Variants in HMGB1 observed in about 807,000 individuals in gnomAD.
HMGB1 encodes the protein high mobility group protein B1.
For synonymous variants in HMGB1, 81 were observed against 84.0 expected, an observed-to-expected ratio of 0.96 and a Z score of 0.19; for missense variants, 79 against 253.5, an observed-to-expected ratio of 0.31 and a Z score of 4.67.
intron 1 of HMGB1, among the ~76,000 whole-genome samples, chr13:30,592,152 A>G (rs1871397475): frequency 7.3e-6 from 1 of 136,952 alleles, no homozygotes; most frequent in Admixed American, 7.0e-5. Flanking sequence ...GTCAATATAG[A>G]ATAATATCTA....
chr13:30,462,481 C>T (rs1428653838), intron 4 of HMGB1, 57 bp downstream of exon 4: 2 of 1,377,036 alleles, frequency 1.5e-6, no homozygotes, highest in Non-Finnish European at 1.0e-6. Context: ...AAACTAAGTA[C>T]AATCATACAT....
At chr13:30,557,087 C>A (rs1869724066) in intron 1 of HMGB1, among the ~76,000 whole-genome samples, 2 of 152,056 alleles carry the variant, frequency 1.3e-5, no homozygotes, top group African/African-American at 4.8e-5. Context: ...TGCTAAAGTT[C>A]ATTTACTTAT....
At chr13:30,523,291 A>G (rs1888280766) in intron 1 of HMGB1, among the ~76,000 whole-genome samples, 1 of 152,230 alleles carries the variant, frequency 6.6e-6, no homozygotes, top group African/African-American at 2.4e-5. Flanking sequence ...ATAAAAATCA[A>G]TATTTTATGA....
chr13:30,542,415 T>C (rs1868936454), intron 1 of HMGB1: 1 of 157,292 alleles, frequency 6.4e-6, no homozygotes, highest in Non-Finnish European at 1.4e-5. Flanking sequence ...CACTCCTGTC[T>C]CCTCTCCTGT....
chr13:30,609,639 T>C (rs1950495338), intron 1 of HMGB1, among the ~76,000 whole-genome samples: 1 of 152,174 alleles, frequency 6.6e-6, no homozygotes, highest in South Asian at 2.1e-4. Flanking sequence ...TGGTTTTTGG[T>C]TACATGGATA....
At chr13:30,567,343 ATT>A (rs34781585) in intron 1 of HMGB1, among the ~76,000 whole-genome samples, 12 of 138,786 alleles carry the variant, frequency 8.6e-5, no homozygotes, top group Admixed American at 2.2e-4. Flanking sequence ...TGTTAACCAA[ATT>A]TTTTTTTTTT....
rs890607578 is a variant in HMGB1 at position 30,562,233 on chromosome 13, G to A, written c.-15+54438C>T. ...AATCGCTTGAACCCAGGAGGCAGAG[G>A]TTGCAGTGAGCCAAGGTCGCACCAC... On this transcript the variant is annotated intron_variant, in intron 1 of 4. Coordinates refer to the HMGB1 transcript ENST00000405805. Among the ~76,000 whole-genome samples the A allele has an allele frequency of 1.9e-4, 29 of 151,444 alleles. 1 individual carries two copies. The highest frequency in any genetic ancestry group is 9.2e-4 in the Admixed American group (14 of 15,188).
At chr13:30,534,734 C>T (rs1351006455) in intron 1 of HMGB1, among the ~76,000 whole-genome samples, 1 of 151,698 alleles carries the variant, frequency 6.6e-6, no homozygotes, top group Non-Finnish European at 1.5e-5. Flanking sequence ...TGTGCCACCA[C>T]ATCAGTTAAC....
intron 1 of HMGB1, among the ~76,000 whole-genome samples, chr13:30,578,029 C>T (rs1340245079): frequency 6.6e-6 from 1 of 152,064 alleles, no homozygotes; most frequent in African/African-American, 2.4e-5. Flanking sequence ...CGTGTCACTC[C>T]TCATCCACAT....
chr13:30,532,371 A>C (rs1271647233), intron 1 of HMGB1, among the ~76,000 whole-genome samples: 6 of 151,714 alleles, frequency 4.0e-5, no homozygotes, highest in Non-Finnish European at 7.4e-5. Context: ...GGATTTTGCA[A>C]CTTGTTTTTT....
intron 1 of HMGB1, among the ~76,000 whole-genome samples, chr13:30,591,264 T>C (rs1871357026): frequency 6.6e-6 from 1 of 152,012 alleles, no homozygotes. Flanking sequence ...ACTCTTGACC[T>C]TAAATGATCC....
intron 1 of HMGB1, among the ~76,000 whole-genome samples, chr13:30,606,062 A>G (rs771687820): frequency 1.3e-5 from 2 of 152,208 alleles, no homozygotes; most frequent in Non-Finnish European, 2.9e-5. Flanking sequence ...ATCAAGTCAA[A>G]GTCCATGCAC....
chr13:30,517,275 C>T (rs1888122459), intron 1 of HMGB1, among the ~76,000 whole-genome samples: 1 of 152,258 alleles, frequency 6.6e-6, no homozygotes, highest in East Asian at 1.9e-4. Context: ...TGTGAAGCTG[C>T]TGTCCAGGAA....
chr13:30,588,983 T>C (rs1181333028), intron 1 of HMGB1, among the ~76,000 whole-genome samples: 4 of 151,446 alleles, frequency 2.6e-5, no homozygotes, highest in South Asian at 2.1e-4. Flanking sequence ...CCTCTAATTG[T>C]AAAGCTGAAT....
At chr13:30,522,727 T>C (rs556423323) in intron 1 of HMGB1, among the ~76,000 whole-genome samples, 1 of 106,008 alleles carries the variant, frequency 9.4e-6, no homozygotes, top group Admixed American at 1.2e-4. Flanking sequence ...GGCAAACAAG[T>C]CTAAAAGTCT....
intron 1 of HMGB1, chr13:30,464,489 C>T (rs969831035): frequency 2.1e-5 from 21 of 985,102 alleles, no homozygotes; most frequent in Middle Eastern, 5.2e-4. Flanking sequence ...GCCCCTAGAA[C>T]TTCGCCGGTG....
At chr13:30,592,514 C>T (rs1871413450) in intron 1 of HMGB1, among the ~76,000 whole-genome samples, 1 of 151,984 alleles carries the variant, frequency 6.6e-6, no homozygotes, top group African/African-American at 2.4e-5. Flanking sequence ...AGAAATTATC[C>T]CAGGTTCAGC....
In HMGB1 at chr13:30,492,354, T is replaced by A. The variant is rs371825579; in HGVS notation, c.-14-28660A>T. Among the ~76,000 whole-genome samples the A allele has an allele frequency of 4.6e-4, 68 of 146,846 alleles. No individual in the cohort carries two copies. The South Asian group carries it at 0.013, about 29-fold the overall frequency. On this transcript the variant is annotated intron_variant, in intron 1 of 4. Coordinates refer to the HMGB1 transcript ENST00000405805. ...AAATTATTCATACATTAAAAAAAAA[T>A]GAAAAAAGATAAAGCATAGAATGAA...
chr13:30,487,037 G>GA (rs1261577009), intron 1 of HMGB1, among the ~76,000 whole-genome samples: 1 of 152,120 alleles, frequency 6.6e-6, no homozygotes, highest in Non-Finnish European at 1.5e-5. Context: ...TGTAACAGGA[G>GA]AAAAAAGGAT....
Sources: gnomAD v4.1 joint callset for allele counts (sites outside exome capture counted in the v4.1 genomes callset) on GRCh38, gnomAD v4.1.1 for gene constraint, MANE v1.5 for transcripts, NCBI Gene and HGNC (gene_info 2026-07-23, HGNC 2026-07-21) for gene names.